The following GPHN variants were observed in gnomAD, a reference collection of about 807,000 sequenced individuals.
The protein encoded by GPHN is gephyrin.
In GPHN, 17 loss-of-function variants were observed where a neutral mutation model predicts 95.5. The ratio of observed to expected loss-of-function variants is 0.18; its 90% CI spans 0.12 to 0.27. The LOEUF is 0.27. Among genes scored for constraint, GPHN ranks in the 10% least tolerant of loss-of-function variants. The pLI, the probability that GPHN is intolerant of heterozygous loss-of-function variation, is 1.00. For missense variants in GPHN, 660 were observed against 978.1 expected, an observed-to-expected ratio of 0.67 and a Z score of 4.34; for synonymous variants, 320 against 322.5, an observed-to-expected ratio of 0.99 and a Z score of 0.08.
downstream of GPHN, among the ~76,000 whole-genome samples, chr14:67,183,479 A>G (rs185535948): frequency 1.3e-5 from 2 of 152,324 alleles, no homozygotes; most frequent in East Asian, 3.9e-4. Context: ...AAACTTGTCC[A>G]TGGTCACATA....
At chr14:66,624,736 C>T (rs1029310196) in intron 1 of GPHN, among the ~76,000 whole-genome samples, 2 of 152,214 alleles carry the variant, frequency 1.3e-5, no homozygotes, top group African/African-American at 4.8e-5. Flanking sequence ...AGAATACACA[C>T]TTGAGACTGT....
intron 10 of GPHN, among the ~76,000 whole-genome samples, chr14:67,039,403 G>A (rs2074585391): frequency 6.6e-6 from 1 of 152,062 alleles, no homozygotes; most frequent in South Asian, 2.1e-4. Context: ...TAAAACATAA[G>A]CATACACATA....
chr14:67,480,068 G>A, the GPHN span, among the ~76,000 whole-genome samples: 1 of 152,198 alleles, frequency 6.6e-6, no homozygotes, highest in Admixed American at 6.5e-5. Context: ...GACCACAGAA[G>A]GCTGTTGTGA....
At chr14:67,315,600 A>T in the GPHN span, among the ~76,000 whole-genome samples, 3 of 152,100 alleles carry the variant, frequency 2.0e-5, no homozygotes, top group Non-Finnish European at 4.4e-5. Flanking sequence ...TACTCTTAAA[A>T]TTTTCCTTCT....
At chr14:67,385,340 C>G in the GPHN span, 2 of 151,768 alleles carry the variant, frequency 1.3e-5, no homozygotes, top group African/African-American at 4.8e-5. Flanking sequence ...GCCTGTAACC[C>G]TGGCACTTAA....
the GPHN span, among the ~76,000 whole-genome samples, chr14:67,391,269 A>ATATG: frequency 7.2e-6 from 1 of 139,568 alleles, no homozygotes; most frequent in Admixed American, 7.2e-5. Context: ...TAAGCAGCTG[A>ATATG]TATGTGTGTG....
the GPHN span, among the ~76,000 whole-genome samples, chr14:67,638,074 G>A: frequency 6.6e-6 from 1 of 152,190 alleles, no homozygotes; most frequent in Non-Finnish European, 1.5e-5. Context: ...CTGAATTACT[G>A]CATAAAGGAA....
intron 10 of GPHN, among the ~76,000 whole-genome samples, chr14:67,037,829 T>C (rs138038205): frequency 1.3e-3 from 200 of 151,318 alleles, no homozygotes; most frequent in African/African-American, 4.5e-3. Context: ...TAGGGAGAAA[T>C]TGGAACCCTT....
the GPHN span, among the ~76,000 whole-genome samples, chr14:67,539,148 A>G: frequency 6.6e-6 from 1 of 152,304 alleles, no homozygotes; most frequent in African/African-American, 2.4e-5. Context: ...CTATTTATAC[A>G]AGGAAAAGCA....
chr14:67,689,428 A>G, the GPHN span, among the ~76,000 whole-genome samples: 2 of 152,176 alleles, frequency 1.3e-5, no homozygotes, highest in Non-Finnish European at 1.5e-5. Flanking sequence ...CTTCTCAAGC[A>G]TATATTTCCC....
At chr14:67,412,392 G>A in the GPHN span, among the ~76,000 whole-genome samples, 3 of 152,228 alleles carry the variant, frequency 2.0e-5, no homozygotes, top group Admixed American at 6.5e-5. Context: ...TTCGCCAGGT[G>A]CTTCCCGGGC....
chr14:67,356,440 A>AC, the GPHN span, among the ~76,000 whole-genome samples: 28 of 141,830 alleles, frequency 2.0e-4, no homozygotes, highest in African/African-American at 6.8e-4. Context: ...AAAACAAAAA[A>AC]AAAAAAACAA....
the GPHN span, chr14:67,587,267 T>C: frequency 6.2e-7 from 1 of 1,611,444 alleles, no homozygotes. Context: ...CCAACACCAC[T>C]AGTGCCTCTG....
intron 5 of GPHN, among the ~76,000 whole-genome samples, chr14:66,900,587 A>G (rs951108383): frequency 2.0e-5 from 3 of 151,460 alleles, no homozygotes; most frequent in African/African-American, 4.9e-5. Context: ...TCTACTACCT[A>G]TCCTCATGAG....
chr14:66,930,533 T>G (rs2066732583), intron 8 of GPHN, among the ~76,000 whole-genome samples: 1 of 150,940 alleles, frequency 6.6e-6, no homozygotes. Context: ...AGGTTTTTTT[T>G]TTTTTTTTTT....
At chr14:66,895,066 T>A (rs950089148) in intron 5 of GPHN, among the ~76,000 whole-genome samples, 2 of 152,238 alleles carry the variant, frequency 1.3e-5, no homozygotes, top group Non-Finnish European at 2.9e-5. Flanking sequence ...CACATATGTT[T>A]ATTGCGGCAC....
chr14:67,326,824 A>T, the GPHN span, among the ~76,000 whole-genome samples: 2 of 152,238 alleles, frequency 1.3e-5, 1 homozygote, highest in South Asian at 4.1e-4. Flanking sequence ...GCTGAGTAAT[A>T]TACTATGATA....
At chr14:67,694,667 T>A in the GPHN span, among the ~76,000 whole-genome samples, 2 of 151,984 alleles carry the variant, frequency 1.3e-5, no homozygotes, top group East Asian at 3.9e-4. Context: ...AGAAACCATG[T>A]GTGCCTAGAG....
chr14:67,529,205 C>T, the GPHN span, among the ~76,000 whole-genome samples: 4 of 152,150 alleles, frequency 2.6e-5, no homozygotes, highest in Admixed American at 2.6e-4. Flanking sequence ...ACGAGGAACA[C>T]CTTCCCTCCC....
Sources: allele counts gnomAD v4.1 joint callset (sites outside exome capture counted in the v4.1 genomes callset), GRCh38; gene constraint gnomAD v4.1.1; transcripts MANE v1.5; gene names NCBI Gene and HGNC (gene_info 2026-07-23, HGNC 2026-07-21).